The following PDE4D variants were observed in gnomAD, a reference collection of about 807,000 sequenced individuals.
The protein encoded by PDE4D is 3',5'-cyclic-AMP phosphodiesterase 4D.
In PDE4D, 24 loss-of-function variants were observed where a neutral mutation model predicts 87.4. That is an observed-to-expected ratio of 0.27 (90% CI 0.20 to 0.39). The LOEUF (loss-of-function observed/expected upper bound fraction) is 0.39. PDE4D is among the 10% of genes least tolerant of loss of function. The probability of loss-of-function intolerance (pLI) is 1.00; values close to 1 mark genes in which losing one functional copy is unlikely to be tolerated. For synonymous variants in PDE4D, 384 were observed against 383.2 expected (o/e 1.00, Z -0.02); for missense variants, 714 against 1,041.0 (o/e 0.69, Z 4.32).
Position 59,937,607 on chromosome 5 carries a change from G to A in PDE4D, c.272+50881C>T, listed in dbSNP as rs530447066. Among the ~76,000 whole-genome samples, 6 of 152,296 alleles carry A rather than the reference G, an allele frequency of 3.9e-5. No individual in the cohort carries two copies. In the South Asian group the frequency reaches 8.3e-4, roughly 21 times the overall value. ...GTGCAGGCAAGTAGAGAAAGAAAAAGAGAAAACTCTTCCCCTTCTTATAAG... is the reference window on the plus strand; with the variant it reads ...GTGCAGGCAAGTAGAGAAAGAAAAAAAGAAAACTCTTCCCCTTCTTATAAG... On this transcript the variant is annotated intron_variant, in intron 3 of 16. Transcript: ENST00000502484.
In PDE4D at chr5:59,824,762, T is replaced by C. The variant is rs546954684; in HGVS notation, c.455+68406A>G. Among the ~76,000 whole-genome samples, 7 of 152,246 alleles carry C rather than the reference T, an allele frequency of 4.6e-5. No homozygotes were observed. In the South Asian group the frequency reaches 6.2e-4, roughly 14 times the overall value. ...GCATCCACTGAGCCCTTACATGCAA[T>C]GCCCTCTCTCTGCTCACCTCACTAG... is the stretch of plus-strand genomic sequence containing the variant. On this transcript the variant is annotated intron_variant, in intron 1 of 14. Coordinates refer to ENST00000340635, the MANE Select transcript of PDE4D (RefSeq NM_001104631.2).
At chr5:59,525,686 T>G (rs1159599955) in intron 1 of PDE4D, among the ~76,000 whole-genome samples, 1 of 152,144 alleles carries the variant, frequency 6.6e-6, no homozygotes, top group Non-Finnish European at 1.5e-5. Context: ...GTAATCCAAA[T>G]TGTAATCCCC....
In PDE4D at chr5:60,011,718, T is replaced by C. The variant is rs562557129; in HGVS notation, c.43-23001A>G. Among the ~76,000 whole-genome samples, 12 of 152,210 alleles carry C rather than the reference T, an allele frequency of 7.9e-5. No homozygotes were observed. The South Asian group carries it at 2.5e-3, about 32-fold the overall frequency. On this transcript the variant is annotated intron_variant, in intron 2 of 16. Transcript: ENST00000502484. ...GCTGGAAATATTTACTACCAGGCCA[T>C]TTACAGTAAAAGTATGCTGACCCTT...
intron 2 of PDE4D, among the ~76,000 whole-genome samples, chr5:60,108,722 T>A (rs1335222289): frequency 6.6e-6 from 1 of 152,132 alleles, no homozygotes; most frequent in Non-Finnish European, 1.5e-5. Flanking sequence ...TACAACTATC[T>A]GATCTTTGAC....
chr5:59,794,937 AG>A (rs1229005973), intron 1 of PDE4D, among the ~76,000 whole-genome samples: 2 of 152,106 alleles, frequency 1.3e-5, no homozygotes, highest in African/African-American at 2.4e-5. Flanking sequence ...TGGATCCTGG[AG>A]AGAAGCTGCC....
intron 5 of PDE4D, among the ~76,000 whole-genome samples, chr5:59,071,041 A>C (rs1764707092): frequency 6.6e-6 from 1 of 152,176 alleles, no homozygotes; most frequent in Non-Finnish European, 1.5e-5. Context: ...CGCACCTCAG[A>C]AATAATCTTT....
chr5:60,094,960 GT>G (rs1775518647), intron 2 of PDE4D, among the ~76,000 whole-genome samples: 1 of 152,012 alleles, frequency 6.6e-6, no homozygotes, highest in Non-Finnish European at 1.5e-5. Context: ...ACAAATAGAA[GT>G]CTAGCATTTA....
chr5:59,646,284 C>T (rs1304032158), intron 1 of PDE4D, among the ~76,000 whole-genome samples: 2 of 152,146 alleles, frequency 1.3e-5, no homozygotes, highest in Admixed American at 1.3e-4. Flanking sequence ...TTGTCAACTA[C>T]CATAGTTTCC....
At chr5:60,485,354 C>T (rs1309103560) in intron 1 of PDE4D, among the ~76,000 whole-genome samples, 2 of 150,038 alleles carry the variant, frequency 1.3e-5, no homozygotes, top group Admixed American at 6.6e-5. Flanking sequence ...ACAGGAAAAA[C>T]GTTGGAGGGA....
At chr5:59,721,855 A>G (rs1755874915) in intron 1 of PDE4D, among the ~76,000 whole-genome samples, 4 of 152,274 alleles carry the variant, frequency 2.6e-5, no homozygotes, top group African/African-American at 7.2e-5. Context: ...TATGCTCTTG[A>G]TTAAAAATCT....
At chr5:60,211,344 T>C (rs1479433668) in intron 1 of PDE4D, among the ~76,000 whole-genome samples, 2 of 151,808 alleles carry the variant, frequency 1.3e-5, no homozygotes, top group South Asian at 2.1e-4. Flanking sequence ...GGGGAGCTAA[T>C]GTACAGAGCA....
chr5:59,689,086 C>T (rs1750437827), intron 1 of PDE4D, among the ~76,000 whole-genome samples: 1 of 152,064 alleles, frequency 6.6e-6, no homozygotes, highest in African/African-American at 2.4e-5. Context: ...TAATAGCCTA[C>T]CAACCAAAAA....
intron 2 of PDE4D, among the ~76,000 whole-genome samples, chr5:60,018,143 C>G (rs906825989): frequency 1.3e-5 from 2 of 151,436 alleles, no homozygotes; most frequent in Non-Finnish European, 2.9e-5. Context: ...GCAGACCTTT[C>G]AGAAGAAACC....
chr5:59,446,143 CATATATT>C (rs1296406314), intron 1 of PDE4D, among the ~76,000 whole-genome samples: 1 of 152,066 alleles, frequency 6.6e-6, no homozygotes, highest in Non-Finnish European at 1.5e-5. Context: ...TATGTATACA[CATATATT>C]ATATAACATA....
At chr5:60,222,639 C>T (rs550363866) in intron 1 of PDE4D, among the ~76,000 whole-genome samples, 2 of 152,166 alleles carry the variant, frequency 1.3e-5, no homozygotes, top group South Asian at 4.1e-4. Context: ...TTTGCTAATA[C>T]ATGGCATAGT....
intron 1 of PDE4D, among the ~76,000 whole-genome samples, chr5:59,362,629 G>A (rs926184910): frequency 6.6e-6 from 1 of 152,034 alleles, no homozygotes; most frequent in Non-Finnish European, 1.5e-5. Context: ...GAAAACTTAT[G>A]GGATCCTAGA....
At chr5:60,071,856 C>G (rs1180656797) in intron 2 of PDE4D, among the ~76,000 whole-genome samples, 1 of 152,088 alleles carries the variant, frequency 6.6e-6, no homozygotes, top group Admixed American at 6.6e-5. Context: ...GATCTCATTC[C>G]TTTTTATGGC....
chr5:59,870,424 T>A (rs754288639), intron 1 of PDE4D, among the ~76,000 whole-genome samples: 16 of 152,234 alleles, frequency 1.1e-4, no homozygotes, highest in Non-Finnish European at 2.1e-4. Flanking sequence ...GTACACTCGA[T>A]ATATCCTCAA....
intron 2 of PDE4D, among the ~76,000 whole-genome samples, chr5:60,109,501 C>G (rs1777441400): frequency 6.6e-6 from 1 of 150,884 alleles, no homozygotes; most frequent in Non-Finnish European, 1.5e-5. Context: ...CCCAGCCATC[C>G]CATTACTGGG....
Sources: allele counts gnomAD v4.1 joint callset (sites outside exome capture counted in the v4.1 genomes callset), GRCh38; gene constraint gnomAD v4.1.1; transcripts MANE v1.5; gene names NCBI Gene and HGNC (gene_info 2026-07-23, HGNC 2026-07-21).